Variants in LHFPL3 observed in about 807,000 individuals in gnomAD.
LHFPL3 encodes the protein LHFPL tetraspan subfamily member 3, also known as LHFPL tetraspan subfamily member 3 protein.
A neutral mutation model predicts 19.3 loss-of-function variants in LHFPL3; 5 were observed. That is an observed-to-expected ratio of 0.26 (90% CI 0.14 to 0.54). The LOEUF is 0.54. Among genes scored for constraint, LHFPL3 ranks in the 20% least tolerant of loss-of-function variants. LHFPL3 has a pLI of 0.94. For synonymous variants in LHFPL3, 133 were observed against 126.2 expected (o/e 1.05, Z -0.36); for missense variants, 249 against 307.4 (o/e 0.81, Z 1.42).
At chr7:104,889,107 G>A (rs1443026400) in intron 2 of LHFPL3, among the ~76,000 whole-genome samples, 3 of 151,740 alleles carry the variant, frequency 2.0e-5, no homozygotes, top group Non-Finnish European at 2.9e-5. Context: ...GAGAAGGAAC[G>A]GAGGTGAATC....
At chr7:104,863,012 GCAGAGCCCAGTTACA>G (rs759851307) in intron 2 of LHFPL3, among the ~76,000 whole-genome samples, 2 of 152,154 alleles carry the variant, frequency 1.3e-5, no homozygotes, top group African/African-American at 2.4e-5. Context: ...GATGTGGACG[GCAGAGCCCAGTTACA>G]CAGAGCTGGA....
intron 2 of LHFPL3, among the ~76,000 whole-genome samples, chr7:104,831,258 T>C (rs1478936716): frequency 6.6e-6 from 1 of 151,964 alleles, no homozygotes; most frequent in Admixed American, 6.5e-5. Context: ...AATATGATAC[T>C]GAAATTAACC....
At chr7:104,744,754 C>T (rs1333515827) in intron 2 of LHFPL3, among the ~76,000 whole-genome samples, 1 of 152,184 alleles carries the variant, frequency 6.6e-6, no homozygotes, top group Non-Finnish European at 1.5e-5. Flanking sequence ...CAGTTAACTA[C>T]TGACCCCATC....
At chr7:104,492,349 C>T (rs947976631) in intron 1 of LHFPL3, among the ~76,000 whole-genome samples, 1 of 152,146 alleles carries the variant, frequency 6.6e-6, no homozygotes, top group African/African-American at 2.4e-5. Context: ...AAGAGGAGAC[C>T]AACTTGCCTT....
At chr7:104,492,820 C>G (rs1448535888) in intron 1 of LHFPL3, among the ~76,000 whole-genome samples, 1 of 152,116 alleles carries the variant, frequency 6.6e-6, no homozygotes, top group Admixed American at 6.6e-5. Context: ...GGGAGATGCA[C>G]ACCTCATTTC....
chr7:104,440,674 C>T (rs1387802428), intron 1 of LHFPL3, among the ~76,000 whole-genome samples: 1 of 151,964 alleles, frequency 6.6e-6, no homozygotes, highest in Non-Finnish European at 1.5e-5. Flanking sequence ...ACTCAAACAG[C>T]AATTTATATA....
chr7:104,508,816 C>G (rs1584368489), intron 1 of LHFPL3, among the ~76,000 whole-genome samples: 1 of 148,390 alleles, frequency 6.7e-6, no homozygotes, highest in African/African-American at 2.5e-5. Context: ...AAAGAGAAAA[C>G]CAAAGAGCTG....
At chr7:104,823,307 C>T (rs1043306140) in intron 2 of LHFPL3, among the ~76,000 whole-genome samples, 11 of 152,312 alleles carry the variant, frequency 7.2e-5, no homozygotes, top group Non-Finnish European at 1.6e-4. Flanking sequence ...CTGCTGTAAA[C>T]AGCTATGTGA....
At chr7:104,593,419 T>C (rs1790769784) in intron 1 of LHFPL3, among the ~76,000 whole-genome samples, 1 of 152,232 alleles carries the variant, frequency 6.6e-6, no homozygotes, top group Non-Finnish European at 1.5e-5. Context: ...TGTTATAATT[T>C]CTGTTCTTTT....
chr7:104,502,912 A>T lies in LHFPL3; in HGVS notation c.445+173688A>T, dbSNP rs59016498. Among the ~76,000 whole-genome samples the T allele has an allele frequency of 8.9e-4, 135 of 152,312 alleles. 1 individual carries two copies. In the East Asian group the frequency reaches 0.024, roughly 27 times the overall value. On this transcript the variant is annotated intron_variant, in intron 1 of 2. Coordinates refer to ENST00000424859, the MANE Select transcript of LHFPL3 (RefSeq NM_199000.3). ...GACTCAGTAATATCTGGGTTCTCAG[A>T]AAAGGGCATTCTTTTACACTGTCAG...
chr7:104,597,554 A>G (rs961068360), intron 1 of LHFPL3, among the ~76,000 whole-genome samples: 5 of 152,200 alleles, frequency 3.3e-5, no homozygotes, highest in African/African-American at 7.2e-5. Flanking sequence ...GCCTGCCTCT[A>G]TTGACATGGT....
At position 104,742,971 on chromosome 7, in the gene LHFPL3, A is replaced by T. The variant is rs181414480; in HGVS notation, c.682+6060A>T. 1.1e-3 allele frequency among the ~76,000 whole-genome samples: 172 copies of T among 152,174 alleles called. 6 individuals are homozygous for T. The East Asian group carries it at 0.03, about 27-fold the overall frequency. ...ATCTCTATTAAAAATACAAAAAAAA[A>T]TTAGCTGGGCATGGTGGTGGGCACC... On this transcript the variant is annotated intron_variant, in intron 2 of 2. Transcript: ENST00000424859.
At chr7:104,376,689 T>A (rs1387964274) in intron 1 of LHFPL3, among the ~76,000 whole-genome samples, 1 of 152,166 alleles carries the variant, frequency 6.6e-6, no homozygotes, top group Non-Finnish European at 1.5e-5. Flanking sequence ...CTAATACAGT[T>A]GTGAAGTGTA....
At chr7:104,865,653 A>T (rs1168065897) in intron 2 of LHFPL3, among the ~76,000 whole-genome samples, 1 of 152,228 alleles carries the variant, frequency 6.6e-6, no homozygotes, top group Non-Finnish European at 1.5e-5. Flanking sequence ...AACACTCTGC[A>T]GGATATTATC....
intron 1 of LHFPL3, among the ~76,000 whole-genome samples, chr7:104,614,676 CTTCCTTCTTTCTTTCTTTCTTTCT>C (rs1197368287): frequency 1.0e-4 from 10 of 97,444 alleles, no homozygotes; most frequent in African/African-American, 2.6e-4. Context: ...TCCTTCCTTC[CTTCCTTCTTTCTTTCTTTCTTTCT>C]TTCTTTCTTT....
chr7:104,763,694 T>A (rs1175596364), intron 2 of LHFPL3, among the ~76,000 whole-genome samples: 1 of 152,108 alleles, frequency 6.6e-6, no homozygotes, highest in Non-Finnish European at 1.5e-5. Context: ...AAAAGCAGTG[T>A]GATTCTGTGG....
At chr7:104,487,499 A>G (rs1416948919) in intron 1 of LHFPL3, among the ~76,000 whole-genome samples, 1 of 152,230 alleles carries the variant, frequency 6.6e-6, no homozygotes, top group Non-Finnish European at 1.5e-5. Context: ...GAGACAATTT[A>G]GACATGCCAG....
intron 1 of LHFPL3, among the ~76,000 whole-genome samples, chr7:104,352,109 G>T (rs955790029): frequency 2.6e-5 from 4 of 151,486 alleles, no homozygotes; most frequent in Admixed American, 2.6e-4. Flanking sequence ...AGGCTGTGGT[G>T]AGCTATGATT....
intron 2 of LHFPL3, among the ~76,000 whole-genome samples, chr7:104,790,858 G>C (rs1231057466): frequency 1.3e-5 from 2 of 152,140 alleles, no homozygotes; most frequent in African/African-American, 4.8e-5. Flanking sequence ...GTTCAAGTAA[G>C]GACATCAAAT....
Sources: allele counts gnomAD v4.1 joint callset (sites outside exome capture counted in the v4.1 genomes callset), GRCh38; gene constraint gnomAD v4.1.1; transcripts MANE v1.5; gene names NCBI Gene and HGNC (gene_info 2026-07-23, HGNC 2026-07-21).